The following SAMHD1 variants were observed in gnomAD, a reference collection of about 807,000 sequenced individuals.
SAMHD1 encodes the protein SAM and HD domain containing deoxynucleoside triphosphate triphosphohydrolase 1, also known as deoxynucleoside triphosphate triphosphohydrolase SAMHD1.
A neutral mutation model predicts 79.6 loss-of-function variants in SAMHD1; 54 were observed. The ratio of observed to expected loss-of-function variants is 0.68; its 90% CI spans 0.55 to 0.85. SAMHD1 has a LOEUF of 0.85. Among genes scored for constraint, SAMHD1 ranks in the 40% least tolerant of loss-of-function variants. The probability of loss-of-function intolerance (pLI) is 0.00; values close to 1 mark genes in which losing one functional copy is unlikely to be tolerated. For missense variants in SAMHD1, 663 were observed against 782.7 expected, an observed-to-expected ratio of 0.85 and a Z score of 1.82; for synonymous variants, 260 against 264.1, an observed-to-expected ratio of 0.98 and a Z score of 0.15.
chr20:36,943,495 G>T (rs866521378), intron 2 of SAMHD1, among the ~76,000 whole-genome samples: 1 of 152,114 alleles, frequency 6.6e-6, no homozygotes, highest in Non-Finnish European at 1.5e-5. Flanking sequence ...GCACAGAGAC[G>T]TGCAATATAG....
intron 1 of SAMHD1, among the ~76,000 whole-genome samples, chr20:36,950,789 C>T (rs942637353): frequency 5.3e-5 from 8 of 152,214 alleles, no homozygotes; most frequent in African/African-American, 1.7e-4. Context: ...CTATCGGGCG[C>T]TGCTGGGATG....
intron 11 of SAMHD1, among the ~76,000 whole-genome samples, chr20:36,908,565 T>C (rs1264253002): frequency 6.6e-6 from 1 of 152,184 alleles, no homozygotes; most frequent in Non-Finnish European, 1.5e-5. Flanking sequence ...TTGAATTTAC[T>C]GAAAGGTGTA....
At position 36,935,141 on chromosome 20, in the gene SAMHD1, C is replaced by A. The variant is rs1371480402; in HGVS notation, c.397G>T (p.Val133Phe). ...AATTGAGGTGTATCAATGATTCGGACGAGGAGAGGGTGGAGCTCAATGTGG... is the reference window on the plus strand; with the variant it reads ...AATTGAGGTGTATCAATGATTCGGAAGAGGAGAGGGTGGAGCTCAATGTGG... ...HGHIELHPLL[V>F]RIIDTPQFQR... The change falls in exon 4 of 16, where the codon GTC (valine) becomes TTC (phenylalanine). Residue 133 changes from valine (V) to phenylalanine (F), a missense_variant. Physicochemically the swap from Val to Phe is conservative, Grantham distance 50. Coordinates refer to ENST00000646673, the MANE Select transcript of SAMHD1 (RefSeq NM_015474.4). The A allele has an allele frequency of 2.5e-6, 4 of 1,613,492 alleles. No homozygotes were observed. The highest frequency in any genetic ancestry group is 3.4e-6 in the Non-Finnish European group (4 of 1,179,676).
At chr20:36,939,512 C>A (rs2063627758) in intron 3 of SAMHD1, among the ~76,000 whole-genome samples, 1 of 151,808 alleles carries the variant, frequency 6.6e-6, no homozygotes, top group African/African-American at 2.4e-5. Context: ...AAAAGAATCA[C>A]TTGAAACTGG....
At chr20:36,948,162 T>C (rs373124892) in intron 1 of SAMHD1, among the ~76,000 whole-genome samples, 4 of 152,242 alleles carry the variant, frequency 2.6e-5, no homozygotes, top group Admixed American at 1.3e-4. Flanking sequence ...TCAGACTTCT[T>C]GTGAGGCTGT....
chr20:36,911,931 TCACGGAGAGA>T lies in SAMHD1; in HGVS notation c.1154+520_1154+529del, dbSNP rs529601554. ...TGATAACTCCTTATGGATCTTTGAG[TCACGGAGAGA>T]CCTGGCTGTACAGTTTTCTGCTATG... On this transcript the variant is annotated intron_variant, in intron 10 of 15. Transcript: ENST00000646673. 41 of 177,770 alleles carry T rather than the reference TCACGGAGAGA, an allele frequency of 2.3e-4. No individual in the cohort carries two copies. In the South Asian group the frequency reaches 5.1e-3, roughly 22 times the overall value. 11.0% of individuals were successfully genotyped at this position (177,770 alleles called of 1,614,324 possible). A position where few individuals can be genotyped will look rare whatever the true frequency, so the allele number is the denominator to read the frequency against.
chr20:36,893,339 TC>T (rs1217548465), intron 15 of SAMHD1: 1 of 517,270 alleles, frequency 1.9e-6, no homozygotes, highest in Admixed American at 3.2e-5. Context: ...CTCTATGGCC[TC>T]CTTCACACAC....
Position 36,893,960 on chromosome 20 carries a change from G to GT in SAMHD1, c.1747-895dup, listed in dbSNP as rs754455776. On this transcript the variant is annotated intron_variant, in intron 15 of 15. Coordinates refer to ENST00000646673, the MANE Select transcript of SAMHD1 (RefSeq NM_015474.4). The stretch of plus-strand genomic sequence containing the variant: ...GGTGAGAAGAGGGCAGAGAAGTCAG[G>GT]TTTTTTCTCTCCCTACCTCCTCTGG... 26 of 398,450 alleles carry GT rather than the reference G, an allele frequency of 6.5e-5. No homozygotes were observed. The Middle Eastern group carries it at 2.5e-3, about 38-fold the overall frequency. The allele number at this position is 398,450 out of a possible 1,614,324, so 24.7% of individuals were successfully genotyped here.
intron 10 of SAMHD1, chr20:36,912,230 TCATCTGCCCCTTTATCCACTTCCCTC>T (rs892147656): frequency 2.5e-5 from 13 of 513,846 alleles, no homozygotes; most frequent in South Asian, 8.3e-5. Context: ...CTTCTTCCCT[TCATCTGCCCCTTTATCCACTTCCCTC>T]CATCTGCCCC....
At chr20:36,929,312 G>A (rs550013322) in intron 5 of SAMHD1, among the ~76,000 whole-genome samples, 1 of 152,208 alleles carries the variant, frequency 6.6e-6, no homozygotes, top group Admixed American at 6.5e-5. Flanking sequence ...CTTGCTTTAA[G>A]TATCTGGCTA....
chr20:36,898,910 C>CAAAAAAA (rs57902699), intron 13 of SAMHD1, among the ~76,000 whole-genome samples: 23 of 69,356 alleles, frequency 3.3e-4, no homozygotes, highest in Admixed American at 7.1e-4. Context: ...GACTCTGACT[C>CAAAAAAA]AAAAAAAAAA....
intron 13 of SAMHD1, among the ~76,000 whole-genome samples, chr20:36,900,139 G>A (rs954652900): frequency 6.6e-6 from 1 of 152,102 alleles, no homozygotes. Context: ...TAGAACTTTG[G>A]CTGTTCAGAG....
Position 36,904,177 on chromosome 20 carries a change from C to G in SAMHD1, c.1483G>C (p.Ala495Pro), listed in dbSNP as rs2063392360. The G allele has an allele frequency of 6.2e-7, 1 of 1,612,598 alleles. No individual in the cohort carries two copies. The highest frequency in any genetic ancestry group is 8.5e-7 in the Non-Finnish European group (1 of 1,178,682). The change falls in exon 13 of 16, where the codon GCT becomes CCT. Residue 495 changes from alanine (A) to proline (P), a missense_variant. Transcript: ENST00000646673. ...PKVLLDVKLK[A>P]EDFIVDVINM... ...CTTACATCCACTATAAAATCTTCAGCCTTCAGTTTCACGTCTAGCAATACT... is the reference window on the plus strand; with the variant it reads ...CTTACATCCACTATAAAATCTTCAGGCTTCAGTTTCACGTCTAGCAATACT...
rs1180266278 is a variant in SAMHD1 at position 36,916,964 on chromosome 20, C to T, written c.938G>A (p.Trp313Ter). Residue 313 changes from tryptophan (W) to a stop codon, truncating the protein, a stop_gained, in exon 8 of 16, where the codon TGG (tryptophan) becomes TAG (stop). Coordinates refer to ENST00000646673, the MANE Select transcript of SAMHD1 (RefSeq NM_015474.4). LOFTEE classifies it high-confidence loss of function. Reference protein sequence around the residue: ...NKRNGIDVDKWDYFARDCHHL... With the variant: ...NKRNGIDVDK ...CAGTGCATACCTGGCAAAATAATCC[C>T]ATTTGTCCACATCAATGCCATTTCT... The T allele has an allele frequency of 6.2e-7, 1 of 1,612,750 alleles. No individual in the cohort carries two copies. The highest frequency in any genetic ancestry group is 1.7e-5 in the Admixed American group (1 of 60,014).
intron 15 of SAMHD1, among the ~76,000 whole-genome samples, chr20:36,896,262 C>T (rs1050573459): frequency 1.3e-5 from 2 of 151,784 alleles, no homozygotes; most frequent in Non-Finnish European, 2.9e-5. Context: ...CATGAGCCAC[C>T]GCGCCCAGCC....
chr20:36,938,953 C>T (rs1002498242), intron 3 of SAMHD1, among the ~76,000 whole-genome samples: 22 of 151,138 alleles, frequency 1.5e-4, no homozygotes, highest in South Asian at 4.2e-4. Context: ...AAGCCTAGAA[C>T]GGGCTGGTGG....
chr20:36,890,931 C>G lies in SAMHD1; in HGVS notation c.*2001G>C, dbSNP rs1481291758. 2.6e-5 allele frequency: 4 copies of G among 152,186 alleles called. No homozygotes were observed. The highest frequency in any genetic ancestry group is 5.9e-5 in the Non-Finnish European group (4 of 68,022). 9.4% of individuals were successfully genotyped at this position (152,186 alleles called of 1,614,324 possible). A position where few individuals can be genotyped will look rare whatever the true frequency, so the allele number is the denominator to read the frequency against. On this transcript the variant is annotated 3_prime_UTR_variant, in exon 16 of 16. Coordinates refer to ENST00000646673, the MANE Select transcript of SAMHD1 (RefSeq NM_015474.4). ...GCACAATGATACAATATTAGGACTA[C>G]AGAATCTCAGAGTAAACCACAATGA...
chr20:36,906,141 T>C (rs1288984993), intron 11 of SAMHD1, among the ~76,000 whole-genome samples: 1 of 151,986 alleles, frequency 6.6e-6, no homozygotes, highest in African/African-American at 2.4e-5. Context: ...TATTTTGTCT[T>C]TAAGAAAGAA....
intron 4 of SAMHD1, among the ~76,000 whole-genome samples, chr20:36,934,481 C>A (rs1215465896): frequency 8.1e-6 from 1 of 123,298 alleles, no homozygotes; most frequent in African/African-American, 3.2e-5. Context: ...CAAGATTACG[C>A]CACTGCACTC....
Sources: gnomAD v4.1 joint callset for allele counts (sites outside exome capture counted in the v4.1 genomes callset) on GRCh38, gnomAD v4.1.1 for gene constraint, MANE v1.5 for transcripts, NCBI Gene and HGNC (gene_info 2026-07-23, HGNC 2026-07-21) for gene names.